Variants in ARL14EPL observed in about 807,000 individuals in gnomAD.
The protein encoded by ARL14EPL is ARF like GTPase 14 effector protein like.
ARL14EPL carries 17 observed loss-of-function variants against 15.9 expected under a neutral mutation model. That is an observed-to-expected ratio of 1.07 (90% CI 0.73 to 1.60). ARL14EPL has a LOEUF of 1.60. Ranked by LOEUF, ARL14EPL falls within the 40% of genes most tolerant of loss-of-function variation. The probability of loss-of-function intolerance (pLI) is 0.00; values close to 1 mark genes in which losing one functional copy is unlikely to be tolerated. For synonymous variants in ARL14EPL, 78 were observed against 63.8 expected, an observed-to-expected ratio of 1.22 and a Z score of -1.06; for missense variants, 214 against 185.9, an observed-to-expected ratio of 1.15 and a Z score of -0.88.
At chr5:116,042,461 C>A (rs952740239) in intron 1 of ARL14EPL, among the ~76,000 whole-genome samples, 3 of 152,140 alleles carry the variant, frequency 2.0e-5, no homozygotes, top group African/African-American at 7.2e-5. Context: ...CACTTCTGGA[C>A]CCCCATGATG....
At chr5:116,040,979 C>CAAAAAAAAAAAAAAAAAAAAAAA (rs56060606) in intron 1 of ARL14EPL, among the ~76,000 whole-genome samples, 5 of 66,160 alleles carry the variant, frequency 7.6e-5, no homozygotes, top group African/African-American at 1.3e-4. Context: ...GATTCCCTCT[C>CAAAAAAAAAAAAAAAAAAAAAAA]AAAAAAAAAA....
chr5:116,052,029 C>G, intron 2 of ARL14EPL: 1 of 1,611,728 alleles, frequency 6.2e-7, no homozygotes, highest in Non-Finnish European at 8.5e-7. Context: ...TCCTGAAGGG[C>G]TGCCCTGGCC....
intron 1 of ARL14EPL, among the ~76,000 whole-genome samples, chr5:116,045,175 G>A (rs1437483624): frequency 6.6e-6 from 1 of 152,174 alleles, no homozygotes; most frequent in Non-Finnish European, 1.5e-5. Context: ...TTATGCTTAA[G>A]AGTGAAAGAT....
At chr5:116,056,333 C>A (rs574388321) in intron 3 of ARL14EPL, among the ~76,000 whole-genome samples, 1 of 152,072 alleles carries the variant, frequency 6.6e-6, no homozygotes, top group Non-Finnish European at 1.5e-5. Context: ...TTTTAATGAT[C>A]GTCATTCTAA....
rs76637737 is a variant in ARL14EPL at position 116,045,349 on chromosome 5, A to C, written c.-9-6108A>C. ...CAGGAAAATGCTGAATATATTTACC[A>C]GGTTAATGCTGAAAATGGCACAGTA... On this transcript the variant is annotated intron_variant, in intron 1 of 3. Coordinates refer to ENST00000686077, the MANE Select transcript of ARL14EPL (RefSeq NM_001195581.2). Among the ~76,000 whole-genome samples the C allele has an allele frequency of 4.5e-3, 691 of 152,348 alleles. 8 individuals are homozygous for C. Among genetic ancestry groups the C allele is most frequent in the African/African-American group, 0.016 (655 of 41,580 alleles).
intron 1 of ARL14EPL, among the ~76,000 whole-genome samples, chr5:116,041,352 T>C (rs1000211637): frequency 2.6e-5 from 4 of 152,214 alleles, no homozygotes; most frequent in African/African-American, 9.6e-5. Context: ...TTTACTGGCA[T>C]ATAAGGCATG....
At chr5:116,049,906 A>G in intron 1 of ARL14EPL, among the ~76,000 whole-genome samples, 1 of 152,252 alleles carries the variant, frequency 6.6e-6, no homozygotes, top group South Asian at 2.1e-4. Context: ...AAAATTCTCC[A>G]AAATAATGGC....
At chr5:116,046,383 C>A (rs770832182) in intron 1 of ARL14EPL, among the ~76,000 whole-genome samples, 1 of 152,166 alleles carries the variant, frequency 6.6e-6, no homozygotes, top group Admixed American at 6.5e-5. Context: ...AAGACACAAT[C>A]AACTGATGAA....
intron 1 of ARL14EPL, among the ~76,000 whole-genome samples, chr5:116,035,486 C>A (rs1749031887): frequency 6.6e-6 from 1 of 152,178 alleles, no homozygotes; most frequent in African/African-American, 2.4e-5. Flanking sequence ...ACCAAATCGG[C>A]TTTTTTGACT....
intron 1 of ARL14EPL, among the ~76,000 whole-genome samples, chr5:116,039,687 A>G (rs113562888): frequency 0.011 from 1,707 of 152,318 alleles, 27 homozygotes; most frequent in African/African-American, 0.035. Context: ...TGACATAGAA[A>G]AAAAAACAAG....
At chr5:116,051,424 A>G in intron 1 of ARL14EPL, 33 bp from the exon 2 acceptor site, 1 of 1,277,292 alleles carries the variant, frequency 7.8e-7, no homozygotes, top group Non-Finnish European at 1.1e-6. Flanking sequence ...AGATGATATT[A>G]ATATGTTTTA....
At chr5:116,033,687 C>T (rs182708499) in intron 1 of ARL14EPL, among the ~76,000 whole-genome samples, 96 of 152,148 alleles carry the variant, frequency 6.3e-4, no homozygotes, top group Non-Finnish European at 2.1e-4. Flanking sequence ...AATGTAGATC[C>T]TTGGATCAAG....
intron 1 of ARL14EPL, among the ~76,000 whole-genome samples, chr5:116,047,924 G>A (rs1415658089): frequency 6.6e-6 from 1 of 152,150 alleles, no homozygotes; most frequent in African/African-American, 2.4e-5. Flanking sequence ...GAGATAAGAG[G>A]GCAGAAGACA....
chr5:116,053,755 C>T (rs1465862232), intron 2 of ARL14EPL, among the ~76,000 whole-genome samples: 1 of 152,166 alleles, frequency 6.6e-6, no homozygotes, highest in Non-Finnish European at 1.5e-5. Flanking sequence ...AAAAAGAATT[C>T]TTCTATTCCC....
At chr5:116,036,057 T>C (rs1019267676) in intron 1 of ARL14EPL, among the ~76,000 whole-genome samples, 1 of 152,122 alleles carries the variant, frequency 6.6e-6, no homozygotes, top group African/African-American at 2.4e-5. Context: ...AGTCCTAACA[T>C]CACAAAGCAG....
intron 3 of ARL14EPL, among the ~76,000 whole-genome samples, chr5:116,057,714 C>T (rs2560700): frequency 0.65 from 98,898 of 152,060 alleles, 34,057 homozygotes; most frequent in Non-Finnish European, 0.79. Context: ...ATGACTAATC[C>T]TTTCCCTTCC....
chr5:116,043,314 A>G (rs1749199382), intron 1 of ARL14EPL, among the ~76,000 whole-genome samples: 1 of 152,076 alleles, frequency 6.6e-6, no homozygotes, highest in Non-Finnish European at 1.5e-5. Flanking sequence ...GGGTAAACTA[A>G]GGAGTGCTTT....
chr5:116,057,168 C>A (rs1043719971), intron 3 of ARL14EPL, among the ~76,000 whole-genome samples: 8 of 152,116 alleles, frequency 5.3e-5, no homozygotes, highest in Non-Finnish European at 7.3e-5. Flanking sequence ...GAACCAAAGA[C>A]AAAAACCACA....
At chr5:116,047,118 C>G (rs1749283384) in intron 1 of ARL14EPL, among the ~76,000 whole-genome samples, 1 of 152,194 alleles carries the variant, frequency 6.6e-6, no homozygotes, top group South Asian at 2.1e-4. Context: ...GTTGTTTAAG[C>G]CACTCAGTCT....
Sources: gnomAD v4.1 joint callset for allele counts (sites outside exome capture counted in the v4.1 genomes callset) on GRCh38, gnomAD v4.1.1 for gene constraint, MANE v1.5 for transcripts, NCBI Gene and HGNC (gene_info 2026-07-23, HGNC 2026-07-21) for gene names.